The following CACNA1C variants were observed in gnomAD, a reference collection of about 807,000 sequenced individuals.
CACNA1C encodes the protein voltage-dependent L-type calcium channel subunit alpha-1C.
In CACNA1C, 30 loss-of-function variants were observed where a neutral mutation model predicts 229.0. That is an observed-to-expected ratio of 0.13 (90% confidence interval 0.10 to 0.18). CACNA1C has a LOEUF of 0.18. Among genes scored for constraint, CACNA1C ranks in the 10% least tolerant of loss-of-function variants. The pLI is 1.00. For synonymous variants in CACNA1C, 1,114 were observed against 1,132.5 expected (o/e 0.98, Z 0.33); for missense variants, 1,658 against 2,845.0 (o/e 0.58, Z 9.49).
rs111345392 is a variant in CACNA1C, at chr12:2,633,574, TTGTC to T, written c.3829-717_3829-714del. 1,951 of 1,006,502 alleles carry T rather than the reference TTGTC, an allele frequency of 1.9e-3. 19 individuals carry two copies. The African/African-American group carries it at 0.025, about 13-fold the overall frequency. 62.3% of individuals were successfully genotyped at this position (1,006,502 alleles called of 1,614,324 possible). Reference sequence around the variant, plus strand: ...TTCTGATGGTGGTGTTGCTCTGTTCTTGTCTGTCTAATATTCCTTTTTAATCCCC... The same window carrying T: ...TTCTGATGGTGGTGTTGCTCTGTTCTTGTCTAATATTCCTTTTTAATCCCC... On this transcript the variant is annotated intron_variant, in intron 29 of 46. Coordinates refer to ENST00000399655, the MANE Select transcript of CACNA1C (RefSeq NM_000719.7). This position sits in a 1 kb window ranked among gnomAD's most constrained non-coding sequence, Gnocchi z 5.8.
chr12:2,313,300 C>T (rs537619131), intron 3 of CACNA1C, among the ~76,000 whole-genome samples: 7 of 152,280 alleles, frequency 4.6e-5, no homozygotes, highest in African/African-American at 7.2e-5. Context: ...CTACATTCTG[C>T]GGGCTGAGAT....
chr12:2,171,840 G>A (rs913898764), intron 3 of CACNA1C, among the ~76,000 whole-genome samples: 1 of 152,190 alleles, frequency 6.6e-6, no homozygotes, highest in African/African-American at 2.4e-5. Context: ...CCTCCCCGAG[G>A]GAATTCCACT....
intron 1 of CACNA1C, among the ~76,000 whole-genome samples, chr12:1,993,757 A>G (rs530167916): frequency 6.6e-6 from 1 of 152,298 alleles, no homozygotes; most frequent in East Asian, 1.9e-4. Flanking sequence ...ATACTTTTTA[A>G]AAGTTAAATT....
intron 1 of CACNA1C, among the ~76,000 whole-genome samples, chr12:1,979,462 C>A (rs2035470298): frequency 6.6e-6 from 1 of 151,968 alleles, no homozygotes; most frequent in Admixed American, 6.6e-5. Flanking sequence ...CAGGGGCCTG[C>A]CACCATGCCT....
chr12:2,397,280 C>G (rs904435974), intron 3 of CACNA1C, among the ~76,000 whole-genome samples: 1 of 152,194 alleles, frequency 6.6e-6, no homozygotes, highest in African/African-American at 2.4e-5. Flanking sequence ...TGGCTTTTTG[C>G]TTGTGTCTTG....
rs377173101 is a variant in CACNA1C at position 2,653,888 on chromosome 12, G to A, written c.4128G>A (p.Val1376=). 3.7e-5 allele frequency: 60 copies of A among 1,613,752 alleles called. No individual in the cohort carries two copies. The Middle Eastern group carries it at 4.9e-4, about 13-fold the overall frequency. The change falls in exon 33 of 47, where the codon GTG becomes GTA. Residue 1376 remains valine (V), a synonymous_variant. Transcript: ENST00000399655. The surrounding 1 kb of genome is among the most constrained non-coding windows in gnomAD (Gnocchi z 4.7). ...TGATGCTGTTCTTCATCTACGCGGT[G>A]ATCGGGATGCAGGTAGGGAGGCTCC... ...LIVMLFFIYA[V]IGMQVFGKIA...
chr12:2,256,342 A>T (rs1011405155), intron 3 of CACNA1C, among the ~76,000 whole-genome samples: 15 of 152,346 alleles, frequency 9.8e-5, no homozygotes, highest in African/African-American at 3.1e-4. Flanking sequence ...AAATGACTTA[A>T]ACACATAATT....
chr12:2,004,661 G>A, intron 1 of CACNA1C: 1 of 575,404 alleles, frequency 1.7e-6, no homozygotes, highest in Non-Finnish European at 3.0e-6. Context: ...GACAAGCCCA[G>A]GCCTGCCCTC....
chr12:2,257,870 C>CA (rs1432795358), intron 3 of CACNA1C, among the ~76,000 whole-genome samples: 2 of 152,238 alleles, frequency 1.3e-5, no homozygotes, highest in Non-Finnish European at 2.9e-5. Context: ...CTTGGTCTTA[C>CA]TGTTAGGTTT....
Position 2,602,391 on chromosome 12 carries a change from G to A in CACNA1C, c.2960+431G>A, listed in dbSNP as rs1337437912. Among the ~76,000 whole-genome samples the A allele has an allele frequency of 6.6e-6, 1 of 152,050 alleles. No individual in the cohort carries two copies. The highest frequency in any genetic ancestry group is 1.5e-5 in the Non-Finnish European group (1 of 68,016). On this transcript the variant is annotated intron_variant, in intron 22 of 46. Coordinates refer to ENST00000399655, the MANE Select transcript of CACNA1C (RefSeq NM_000719.7). The surrounding 1 kb of genome is among the most constrained non-coding windows in gnomAD (Gnocchi z 4.4). ...CAGCCAAAGCACCTCATGTATGAGT[G>A]TATGTGTGAATGTGTGTATATATAT...
chr12:2,691,348 G>A lies in CACNA1C; in HGVS notation c.*149G>A. On this transcript the variant is annotated 3_prime_UTR_variant, in exon 47 of 47. Coordinates refer to ENST00000399655, the MANE Select transcript of CACNA1C (RefSeq NM_000719.7). ...TTGGGACCAGACGCGGAGCCTGGGT[G>A]CGCGAGCCGCCCTCCGGGAGGAAGG... The A allele has an allele frequency of 1.2e-6, 1 of 855,352 alleles. No individual in the cohort carries two copies. The highest frequency in any genetic ancestry group is 1.6e-6 in the Non-Finnish European group (1 of 630,626). The allele number at this position is 855,352 out of a possible 1,614,324, so 53.0% of individuals were successfully genotyped here.
At chr12:2,345,744 C>T (rs1031339530) in intron 3 of CACNA1C, among the ~76,000 whole-genome samples, 1 of 152,152 alleles carries the variant, frequency 6.6e-6, no homozygotes, top group African/African-American at 2.4e-5. Context: ...AAATAGTTCA[C>T]TTCAAAATGA....
At position 2,666,532 on chromosome 12, in the gene CACNA1C, C is replaced by G. The variant is rs544631164; in HGVS notation, c.4527-154C>G. On this transcript the variant is annotated intron_variant, in intron 36 of 46. Transcript: ENST00000399655. This position sits in a 1 kb window ranked among gnomAD's most constrained non-coding sequence, Gnocchi z 5.3. Reference sequence around the variant, plus strand: ...TGGTTTGGGGCTGTGTCATGCAATTCTGCAACTCTGTACTGAGTGTGACTA... The same window carrying G: ...TGGTTTGGGGCTGTGTCATGCAATTGTGCAACTCTGTACTGAGTGTGACTA... 1.6e-5 allele frequency: 9 copies of G among 560,952 alleles called. No individual in the cohort carries two copies. In the South Asian group the frequency reaches 1.8e-4, roughly 11 times the overall value. 34.7% of individuals were successfully genotyped at this position (560,952 alleles called of 1,614,324 possible). A position where few individuals can be genotyped will look rare whatever the true frequency, so the allele number is the denominator to read the frequency against.
At chr12:2,558,748 A>C (rs2045895614) in intron 11 of CACNA1C, among the ~76,000 whole-genome samples, 1 of 152,168 alleles carries the variant, frequency 6.6e-6, no homozygotes, top group African/African-American at 2.4e-5. Flanking sequence ...GCTAAAAATT[A>C]AGTGGGGACC....
At chr12:2,490,047 T>C (rs1262743242) in intron 6 of CACNA1C, among the ~76,000 whole-genome samples, 1 of 152,276 alleles carries the variant, frequency 6.6e-6, no homozygotes, top group Non-Finnish European at 1.5e-5. Flanking sequence ...AAGTGTTCGC[T>C]TTAGCGCTTT....
intron 1 of CACNA1C, among the ~76,000 whole-genome samples, chr12:2,013,010 A>C (rs1273458139): frequency 6.6e-6 from 1 of 152,226 alleles, no homozygotes; most frequent in Non-Finnish European, 1.5e-5. Context: ...GGATTCCTTC[A>C]ATCTCCCTAA....
chr12:2,369,637 C>G (rs1465328719), intron 3 of CACNA1C, among the ~76,000 whole-genome samples: 1 of 152,142 alleles, frequency 6.6e-6, no homozygotes, highest in Non-Finnish European at 1.5e-5. Context: ...CTCCTGACCT[C>G]AGGTGATCCT....
chr12:2,176,558 C>G (rs1460496130), intron 3 of CACNA1C, among the ~76,000 whole-genome samples: 1 of 150,874 alleles, frequency 6.6e-6, no homozygotes, highest in Non-Finnish European at 1.5e-5. Flanking sequence ...TCAGCTAGGG[C>G]CTATTGGGGG....
intron 3 of CACNA1C, among the ~76,000 whole-genome samples, chr12:2,269,354 T>G: frequency 6.6e-6 from 1 of 152,178 alleles, no homozygotes; most frequent in Non-Finnish European, 1.5e-5. Context: ...CTCAATGAAC[T>G]TTGAGACTGT....
Sources: allele counts gnomAD v4.1 joint callset (sites outside exome capture counted in the v4.1 genomes callset), GRCh38; gene constraint gnomAD v4.1.1; non-coding constraint Gnocchi (gnomAD v3.1); transcripts MANE v1.5; gene names NCBI Gene and HGNC (gene_info 2026-07-23, HGNC 2026-07-21).